Variants in PCDH10 observed in about 807,000 individuals in gnomAD.
PCDH10 encodes the protein protocadherin-10.
Under a neutral mutation model 74.4 loss-of-function variants are expected in PCDH10, and 15 were observed. The observed-to-expected ratio is 0.20, with a 90% CI of 0.13 to 0.31. The LOEUF is 0.31. Ranked by LOEUF, PCDH10 falls within the 10% of genes least tolerant of loss-of-function variation. The pLI, the probability that PCDH10 is intolerant of heterozygous loss-of-function variation, is 1.00. For missense variants in PCDH10, 1,260 were observed against 1,390.2 expected, an observed-to-expected ratio of 0.91 and a Z score of 1.49; for synonymous variants, 619 against 589.8, an observed-to-expected ratio of 1.05 and a Z score of -0.72.
At chr4:133,198,753 G>A (rs1727843347), downstream of PCDH10, among the ~76,000 whole-genome samples, 1 of 152,138 alleles carries the variant, frequency 6.6e-6, no homozygotes, top group South Asian at 2.1e-4. Flanking sequence ...CAACACTGTG[G>A]TTATTGGTTA....
intron 3 of PCDH10, among the ~76,000 whole-genome samples, chr4:133,160,907 C>G (rs1345164943): frequency 6.6e-6 from 1 of 151,510 alleles, no homozygotes; most frequent in Non-Finnish European, 1.5e-5. Context: ...TCTATGTTCC[C>G]CCATCATTCT....
At chr4:133,201,265 G>A (rs952175844) in intron 2 of PCDH10, among the ~76,000 whole-genome samples, 2 of 152,108 alleles carry the variant, frequency 1.3e-5, no homozygotes, top group African/African-American at 4.8e-5. Context: ...AAATAGGAAG[G>A]CATGTAAAGG....
At position 133,151,167 on chromosome 4, in the gene PCDH10, A is replaced by G; in HGVS notation, c.1027A>G (p.Lys343Glu). 1 of 1,614,132 alleles carries G rather than the reference A, an allele frequency of 6.2e-7. No homozygotes were observed. The highest frequency in any genetic ancestry group is 1.7e-5 in the Admixed American group (1 of 60,028). Residue 343 changes from lysine to glutamate, a missense_variant, in exon 1 of 5, where the codon AAG becomes GAG. Lys to Glu is a moderately conservative substitution (Grantham distance 56). Coordinates refer to ENST00000264360, the MANE Select transcript of PCDH10 (RefSeq NM_032961.3). ...CCCCAACGCCGTGCCTGCGCACTGC[A>G]AGGTGCTAGTGCGAGTACTGGATGC... ...LGPNAVPAHC[K>E]VLVRVLDAND... is the part of the protein sequence containing the mutation.
At chr4:133,186,123 A>G (rs1448059779) in intron 4 of PCDH10, among the ~76,000 whole-genome samples, 1 of 152,136 alleles carries the variant, frequency 6.6e-6, no homozygotes, top group Non-Finnish European at 1.5e-5. Flanking sequence ...AGGATTCCAC[A>G]ATATAAAGAA....
Position 133,191,382 on chromosome 4 carries a change from A to T in PCDH10, c.*1222A>T, listed in dbSNP as rs2125874269. 1 of 152,372 alleles carries T rather than the reference A, an allele frequency of 6.6e-6. No individual in the cohort carries two copies. The highest frequency in any genetic ancestry group is 1.9e-4 in the East Asian group (1 of 5,176). 9.4% of individuals were successfully genotyped at this position (152,372 alleles called of 1,614,324 possible). On this transcript the variant is annotated 3_prime_UTR_variant, in exon 5 of 5. Transcript: ENST00000264360. ...GTAAAGAATAACTATAAAATATGAA[A>T]GCTCTAAATTTAAAATAAATTTAGA...
At chr4:133,197,802 T>C (rs1364501329), downstream of PCDH10, among the ~76,000 whole-genome samples, 1 of 152,068 alleles carries the variant, frequency 6.6e-6, no homozygotes, top group Non-Finnish European at 1.5e-5. Flanking sequence ...CTTTTGATCA[T>C]GAAAAAAGGA....
chr4:133,161,888 T>TA (rs1433989809), intron 3 of PCDH10, among the ~76,000 whole-genome samples: 1 of 152,170 alleles, frequency 6.6e-6, no homozygotes, highest in African/African-American at 2.4e-5. Context: ...ATCTGATAGA[T>TA]ATGTTACTAT....
chr4:133,179,947 G>A (rs1727378261), intron 4 of PCDH10, among the ~76,000 whole-genome samples: 5 of 151,588 alleles, frequency 3.3e-5, no homozygotes. Context: ...AATTACAGTA[G>A]TCTCTGAATG....
At chr4:133,154,893 A>G (rs1277812021) in intron 2 of PCDH10, 24 bp from the exon 3 acceptor site, 4 of 1,449,336 alleles carry the variant, frequency 2.8e-6, no homozygotes, top group Non-Finnish European at 3.9e-6. Flanking sequence ...TTTTATTCTA[A>G]TATTCACATT....
At chr4:133,166,912 G>GA (rs970308141) in intron 4 of PCDH10, among the ~76,000 whole-genome samples, 1 of 151,366 alleles carries the variant, frequency 6.6e-6, no homozygotes, top group South Asian at 2.1e-4. Context: ...TGAATAAAGT[G>GA]AAAAAAAGCT....
intron 2 of PCDH10, among the ~76,000 whole-genome samples, chr4:133,201,583 G>A (rs534943178): frequency 5.3e-5 from 8 of 152,202 alleles, no homozygotes; most frequent in Middle Eastern, 3.4e-3. Flanking sequence ...TGTGCTAGGC[G>A]GGGTGGCTCA....
intron 4 of PCDH10, among the ~76,000 whole-genome samples, chr4:133,181,648 G>T (rs1467549915): frequency 1.3e-5 from 2 of 148,424 alleles, no homozygotes; most frequent in African/African-American, 5.0e-5. Context: ...TTAGTGCAGG[G>T]TTGTTTTTTC....
intron 4 of PCDH10, among the ~76,000 whole-genome samples, chr4:133,167,464 C>G (rs1727110442): frequency 6.6e-6 from 1 of 151,438 alleles, no homozygotes; most frequent in Admixed American, 6.6e-5. Context: ...ATAGTGTTTT[C>G]TCTAGGATTT....
intron 4 of PCDH10, among the ~76,000 whole-genome samples, chr4:133,184,490 G>A (rs946197836): frequency 3.3e-5 from 5 of 151,362 alleles, no homozygotes; most frequent in African/African-American, 1.2e-4. Flanking sequence ...TGGCGTTGTG[G>A]TGCGCAACTG....
downstream of PCDH10, among the ~76,000 whole-genome samples, chr4:133,199,289 AAATAATAAT>A (rs70957501): frequency 4.8e-3 from 658 of 136,666 alleles, 4 homozygotes; most frequent in African/African-American, 0.016. Context: ...CCCTGTCTCA[AAATAATAAT>A]AATAATAATA....
In PCDH10 at chr4:133,151,021, C is replaced by T; in HGVS notation, c.881C>T (p.Ser294Leu). Residue 294 changes from serine (S) to leucine (L), a missense_variant, in exon 1 of 5, where the codon TCG becomes TTG. Transcript: ENST00000264360. ...GTGTACTCCTTCAGCAGCCACATTT[C>T]GCCCCGGGCGCGGGAGCTTTTCGGA... ...EVVYSFSSHI[S>L]PRARELFGLS... 3.1e-6 allele frequency: 5 copies of T among 1,613,786 alleles called. No individual in the cohort carries two copies. In the South Asian group the frequency reaches 4.4e-5, roughly 14 times the overall value.
intron 4 of PCDH10, among the ~76,000 whole-genome samples, chr4:133,183,226 T>G (rs1250745900): frequency 6.6e-6 from 1 of 152,138 alleles, no homozygotes; most frequent in African/African-American, 2.4e-5. Flanking sequence ...ACTTCATCTA[T>G]TCTCTTAATA....
chr4:133,151,992 T>C lies in PCDH10; in HGVS notation c.1852T>C (p.Tyr618His). ...ADDGENARLT[Y>H]SIVRGNEMNL... ...CGACGGCGAGAACGCCCGGCTCACT[T>C]ACAGCATCGTGCGTGGCAACGAAAT... The change falls in exon 1 of 5, where the codon TAC becomes CAC. Residue 618 changes from tyrosine to histidine, a missense_variant. Around this residue, in one of 11 missense-constraint regions of PCDH10, gnomAD observed 587 missense variants for 616.9 expected, o/e 0.95. Transcript: ENST00000264360. 1 of 1,612,762 alleles carries C rather than the reference T, an allele frequency of 6.2e-7. No homozygotes were observed. The highest frequency in any genetic ancestry group is 8.5e-7 in the Non-Finnish European group (1 of 1,179,840).
chr4:133,156,897 T>A (rs1430437209), intron 3 of PCDH10, among the ~76,000 whole-genome samples: 2 of 152,200 alleles, frequency 1.3e-5, no homozygotes, highest in African/African-American at 4.8e-5. Context: ...CAGTAGCTAC[T>A]TTATTTCACA....
Sources: gnomAD v4.1 joint callset for allele counts (sites outside exome capture counted in the v4.1 genomes callset) on GRCh38, gnomAD v4.1.1 for gene constraint, gnomAD v4.1.1 regional missense constraint, MANE v1.5 for transcripts, NCBI Gene and HGNC (gene_info 2026-07-23, HGNC 2026-07-21) for gene names.